PDZD2: variants seen among roughly 807,000 people sequenced by gnomAD.
PDZD2 encodes the protein PDZ domain-containing protein 2.
In PDZD2, 90 loss-of-function variants were observed where a neutral mutation model predicts 220.7. The ratio of observed to expected loss-of-function variants is 0.41; its 90% CI spans 0.34 to 0.49. The LOEUF is 0.49. Among genes scored for constraint, PDZD2 ranks in the 20% least tolerant of loss-of-function variants. The pLI is 0.28. For missense variants in PDZD2, 3,174 were observed against 3,608.5 expected, an observed-to-expected ratio of 0.88 and a Z score of 3.08; for synonymous variants, 1,375 against 1,450.5, an observed-to-expected ratio of 0.95 and a Z score of 1.18.
chr5:32,065,567 A>G (rs1363989307), intron 14 of PDZD2, among the ~76,000 whole-genome samples: 1 of 152,230 alleles, frequency 6.6e-6, no homozygotes, highest in Non-Finnish European at 1.5e-5. Context: ...AATTAGTGCT[A>G]TCAAGCTATG....
At position 32,061,644 on chromosome 5, in the gene PDZD2, G is replaced by A. The variant is rs192701595; in HGVS notation, c.2451+510G>A. Among the ~76,000 whole-genome samples, 502 of 152,298 alleles carry A rather than the reference G, an allele frequency of 3.3e-3. 5 individuals carry two copies. The highest frequency in any genetic ancestry group is 0.012 in the African/African-American group (487 of 41,546). The stretch of plus-strand genomic sequence containing the variant: ...TTAAGAAATGAGGGCCAGGCTTGAT[G>A]ACTCACACTGGTAATCCTAGCACTT... On this transcript the variant is annotated intron_variant, in intron 14 of 24. Transcript: ENST00000438447.
chr5:32,094,000 G>C (rs142894114), intron 21 of PDZD2, among the ~76,000 whole-genome samples: 91 of 151,126 alleles, frequency 6.0e-4, no homozygotes, highest in African/African-American at 1.8e-3. Context: ...AAAGTCATAA[G>C]AGAAAGTGTA....
In PDZD2 at chr5:31,799,376, A is replaced by G; in HGVS notation, c.128A>G (p.Gln43Arg). Residue 43 changes from glutamine (Q) to arginine (R), a missense_variant, in exon 2 of 25, where the codon CAG becomes CGG. This residue lies in a region of PDZD2 where 632 missense variants were observed against 708.1 expected (regional missense o/e 0.89). Transcript: ENST00000438447. The stretch of plus-strand genomic sequence containing the variant: ...TGCCAGGCGGCCATCCAGAAGCTGC[A>G]GGAGTACATCCAGCTGAACTTTGCT... The part of the protein sequence containing the change: ...RLCQAAIQKL[Q>R]EYIQLNFAVD... The G allele has an allele frequency of 1.2e-6, 2 of 1,614,220 alleles. No individual in the cohort carries two copies. Among genetic ancestry groups the G allele is most frequent in the Non-Finnish European group, 1.7e-6 (2 of 1,180,016 alleles).
intron 1 of PDZD2, among the ~76,000 whole-genome samples, chr5:31,729,099 CTTTTTTTTTTT>C (rs10650811): frequency 3.2e-5 from 4 of 123,652 alleles, no homozygotes; most frequent in Non-Finnish European, 6.5e-5. Context: ...TGATCGAAAT[CTTTTTTTTTTT>C]TTTTTTTTTT....
At chr5:31,679,739 A>T (rs532048963) in intron 1 of PDZD2, among the ~76,000 whole-genome samples, 47 of 152,246 alleles carry the variant, frequency 3.1e-4, no homozygotes, top group African/African-American at 1.0e-3. Flanking sequence ...CAAACTCCTG[A>T]CCTCAAGTGA....
chr5:31,850,000 A>G (rs1757899707), intron 2 of PDZD2, among the ~76,000 whole-genome samples: 1 of 104,354 alleles, frequency 9.6e-6, no homozygotes, highest in African/African-American at 3.7e-5. Context: ...ATACACATAT[A>G]TATATATACA....
At chr5:31,731,471 A>C (rs1749532346) in intron 1 of PDZD2, among the ~76,000 whole-genome samples, 1 of 152,108 alleles carries the variant, frequency 6.6e-6, no homozygotes, top group Admixed American at 6.5e-5. Flanking sequence ...TTAAGCGGTC[A>C]CTCGCTATTG....
chr5:31,791,041 A>T (rs1026999297), intron 1 of PDZD2, among the ~76,000 whole-genome samples: 1 of 151,982 alleles, frequency 6.6e-6, no homozygotes, highest in African/African-American at 2.4e-5. Flanking sequence ...TGCTGCTGAG[A>T]ACAGTTGAAA....
intron 14 of PDZD2, among the ~76,000 whole-genome samples, chr5:32,068,477 CATG>C (rs991895557): frequency 1.3e-5 from 2 of 152,190 alleles, no homozygotes; most frequent in African/African-American, 4.8e-5. Context: ...TTTTCCTTAG[CATG>C]ATGATTTTGA....
intron 2 of PDZD2, among the ~76,000 whole-genome samples, chr5:31,918,237 C>T (rs923543502): frequency 1.3e-5 from 2 of 152,148 alleles, no homozygotes; most frequent in African/African-American, 4.8e-5. Context: ...TTAAAATTTA[C>T]ATAAGATTTG....
chr5:31,842,647 G>C (rs1230770274), intron 2 of PDZD2, among the ~76,000 whole-genome samples: 1 of 152,056 alleles, frequency 6.6e-6, no homozygotes, highest in Non-Finnish European at 1.5e-5. Context: ...TTGCGGAGTG[G>C]GTAAAATAAT....
rs750090888 is a variant in PDZD2, at chr5:32,074,610, C to T, written c.3504C>T (p.Val1168=). 8 of 1,610,784 alleles carry T rather than the reference C, an allele frequency of 5.0e-6. No homozygotes were observed. The highest frequency in any genetic ancestry group is 1.7e-4 in the Middle Eastern group (1 of 6,050). Residue 1168 remains valine, a synonymous_variant, in exon 18 of 25, where the codon GTC becomes GTT. Coordinates refer to ENST00000438447, the MANE Select transcript of PDZD2 (RefSeq NM_178140.4). ...RVQATSVKVT[V]AGFQPGGAVE... ...AGGCCACTTCTGTCAAAGTGACTGT[C>T]GCTGGCTTTCAGCCAGGTGGAGCTG...
At chr5:31,884,025 C>G (rs191261233) in intron 2 of PDZD2, among the ~76,000 whole-genome samples, 34 of 152,184 alleles carry the variant, frequency 2.2e-4, no homozygotes, top group Non-Finnish European at 4.0e-4. Flanking sequence ...CCAGCCTGGC[C>G]AATGTGGTGA....
chr5:31,736,169 G>A (rs967306988), intron 1 of PDZD2, among the ~76,000 whole-genome samples: 2 of 152,152 alleles, frequency 1.3e-5, no homozygotes, highest in Admixed American at 6.5e-5. Flanking sequence ...TAAAATATTT[G>A]ATGACTTGAG....
intron 6 of PDZD2, among the ~76,000 whole-genome samples, chr5:32,022,257 G>A (rs1754275768): frequency 6.7e-6 from 1 of 149,278 alleles, no homozygotes. Flanking sequence ...GAGTGCAGTG[G>A]CATGATCTCT....
At chr5:31,865,295 T>C (rs1179063385) in intron 2 of PDZD2, among the ~76,000 whole-genome samples, 1 of 152,010 alleles carries the variant, frequency 6.6e-6, no homozygotes, top group Non-Finnish European at 1.5e-5. Context: ...TCTTTTTTGT[T>C]GTTGTTTTTG....
intron 1 of PDZD2, among the ~76,000 whole-genome samples, chr5:31,673,971 A>G (rs748175994): frequency 6.6e-6 from 1 of 152,022 alleles, no homozygotes; most frequent in Admixed American, 6.6e-5. Context: ...ACTCCGTATC[A>G]AAAAAAAGAG....
At chr5:32,046,903 C>T (rs543546020) in intron 7 of PDZD2, among the ~76,000 whole-genome samples, 20 of 152,020 alleles carry the variant, frequency 1.3e-4, no homozygotes, top group Admixed American at 8.5e-4. Context: ...ATTAGCTGGG[C>T]GTGGTGGCGT....
rs1257799445 is a variant in PDZD2 at position 32,100,498 on chromosome 5, TG to T, written c.8219-606del. 25 of 285,840 alleles carry T rather than the reference TG, an allele frequency of 8.7e-5. 1 individual carries two copies. The Admixed American group carries it at 1.1e-3, about 13-fold the overall frequency. 17.7% of individuals were successfully genotyped at this position (285,840 alleles called of 1,614,324 possible). ...CACATTTCCTCACAGTGGAGCAAGA[TG>T]CCAGTAGAGGCAGCGAGTGTGTTTG... is the stretch of plus-strand genomic sequence containing the variant. On this transcript the variant is annotated intron_variant, in intron 23 of 24. Coordinates refer to ENST00000438447, the MANE Select transcript of PDZD2 (RefSeq NM_178140.4).
Sources: allele counts gnomAD v4.1 joint callset (sites outside exome capture counted in the v4.1 genomes callset), GRCh38; gene constraint gnomAD v4.1.1; regional missense constraint gnomAD v4.1.1; transcripts MANE v1.5; gene names NCBI Gene and HGNC (gene_info 2026-07-23, HGNC 2026-07-21).